ARHGAP39: variants seen among roughly 807,000 people sequenced by gnomAD.
The protein encoded by ARHGAP39 is rho GTPase-activating protein 39.
Under a neutral mutation model 106.9 loss-of-function variants are expected in ARHGAP39, and 44 were observed. The observed-to-expected ratio is 0.41, with a 90% confidence interval of 0.32 to 0.53. The LOEUF (loss-of-function observed/expected upper bound fraction) is 0.53. Among genes scored for constraint, ARHGAP39 ranks in the 20% least tolerant of loss-of-function variants. The pLI is 0.21. For missense variants in ARHGAP39, 1,496 were observed against 1,577.3 expected (o/e 0.95, Z 0.87); for synonymous variants, 768 against 693.2 (o/e 1.11, Z -1.69).
At chr8:144,674,474 G>A (rs1267094033) in intron 1 of ARHGAP39, among the ~76,000 whole-genome samples, 2 of 152,198 alleles carry the variant, frequency 1.3e-5, no homozygotes, top group East Asian at 3.8e-4. Flanking sequence ...GGCTTCAGAG[G>A]GGAGAAAGTA....
At chr8:144,584,231 G>T (rs1362007880) in intron 2 of ARHGAP39, 1 of 151,876 alleles carries the variant, frequency 6.6e-6, no homozygotes, top group Non-Finnish European at 1.5e-5. Context: ...TTGAGCTCAG[G>T]AGTTTGAGAC....
At chr8:144,696,030 G>A in the ARHGAP39 span, among the ~76,000 whole-genome samples, 55 of 152,258 alleles carry the variant, frequency 3.6e-4, 1 homozygote, top group East Asian at 9.1e-3. Context: ...GAAAGAGGGA[G>A]AGTCTAAAAA....
intron 6 of ARHGAP39, among the ~76,000 whole-genome samples, chr8:144,540,744 G>A (rs568309795): frequency 2.0e-5 from 3 of 152,176 alleles, no homozygotes; most frequent in African/African-American, 4.8e-5. Flanking sequence ...AGGCTACAGT[G>A]AGCAGTGACG....
At chr8:144,674,626 C>T (rs373518984) in intron 1 of ARHGAP39, among the ~76,000 whole-genome samples, 2 of 152,184 alleles carry the variant, frequency 1.3e-5, no homozygotes, top group East Asian at 1.9e-4. Context: ...CAGGGACCTG[C>T]CCCTTTTCAC....
intron 1 of ARHGAP39, among the ~76,000 whole-genome samples, chr8:144,661,057 C>A (rs2129684220): frequency 1.3e-5 from 2 of 152,294 alleles, no homozygotes; most frequent in Admixed American, 1.3e-4. Context: ...AGGAGGATCA[C>A]CTGTGCCCAG....
the ARHGAP39 span, among the ~76,000 whole-genome samples, chr8:144,690,863 G>C: frequency 2.1e-5 from 3 of 139,866 alleles, no homozygotes; most frequent in African/African-American, 8.1e-5. Flanking sequence ...TCGTCATGTT[G>C]CCTAAGCTGG....
At chr8:144,657,319 G>C (rs541434202) in intron 1 of ARHGAP39, among the ~76,000 whole-genome samples, 5 of 152,134 alleles carry the variant, frequency 3.3e-5, no homozygotes, top group African/African-American at 1.2e-4. Flanking sequence ...AATTAGCTGG[G>C]CATGGTGGTA....
In ARHGAP39 at chr8:144,670,214, T is replaced by C. The variant is rs1822068280; in HGVS notation, c.-82+15472A>G. ...AAAGCAACAGAGCTCGGACGCATGC[T>C]AGAGCGTACCGGGAAGCTGGATGAG... On this transcript the variant is annotated intron_variant, in intron 1 of 11. Coordinates refer to ENST00000377307, the MANE Select transcript of ARHGAP39 (RefSeq NM_025251.3). This position sits in a 1 kb window ranked among gnomAD's most constrained non-coding sequence, Gnocchi z 4.4. Among the ~76,000 whole-genome samples the C allele has an allele frequency of 6.6e-6, 1 of 152,084 alleles. No individual in the cohort carries two copies. The highest frequency in any genetic ancestry group is 1.5e-5 in the Non-Finnish European group (1 of 68,010).
At position 144,684,349 on chromosome 8, in the gene ARHGAP39, C is replaced by A. The variant is rs1178598045; in HGVS notation, c.-82+1337G>T. Among the ~76,000 whole-genome samples, 1 of 152,258 alleles carries A rather than the reference C, an allele frequency of 6.6e-6. No homozygotes were observed. On this transcript the variant is annotated intron_variant, in intron 1 of 11. Transcript: ENST00000377307. This position sits in a 1 kb window ranked among gnomAD's most constrained non-coding sequence, Gnocchi z 4.4. The stretch of plus-strand genomic sequence containing the variant: ...CTTGCTCCTTGTGGATCGGGCGCCG[C>A]CGACGGAACCACCTGCTGTCTATAG...
upstream of ARHGAP39, among the ~76,000 whole-genome samples, chr8:144,689,498 G>A (rs1395864662): frequency 1.0e-4 from 13 of 129,810 alleles, no homozygotes; most frequent in Non-Finnish European, 1.5e-4. Flanking sequence ...GTGAAGTGGC[G>A]TGATCTTGGC....
chr8:144,614,017 C>T lies in ARHGAP39; in HGVS notation c.-81-8322G>A, dbSNP rs142524556. ...CATCTTTAAGTTCACTAATCTTCAT[C>T]TGCAATCTCTGATCTACCATTAATC... On this transcript the variant is annotated intron_variant, in intron 1 of 11. Coordinates refer to ENST00000377307, the MANE Select transcript of ARHGAP39 (RefSeq NM_025251.3). Among the ~76,000 whole-genome samples the T allele has an allele frequency of 1.7e-4, 26 of 152,340 alleles. No homozygotes were observed. The East Asian group carries it at 5.0e-3, about 29-fold the overall frequency.
chr8:144,609,120 T>A (rs976139903), intron 1 of ARHGAP39, among the ~76,000 whole-genome samples: 3 of 152,256 alleles, frequency 2.0e-5, no homozygotes, highest in African/African-American at 7.2e-5. Context: ...ATATGTGCCT[T>A]CCTCCTAATC....
intron 1 of ARHGAP39, among the ~76,000 whole-genome samples, chr8:144,638,276 A>G (rs1357930212): frequency 6.6e-6 from 1 of 152,140 alleles, no homozygotes; most frequent in Non-Finnish European, 1.5e-5. Flanking sequence ...ATTGCTTTTA[A>G]AATCTTCTCT....
intron 2 of ARHGAP39, among the ~76,000 whole-genome samples, chr8:144,600,772 T>G (rs948219796): frequency 6.6e-6 from 1 of 151,424 alleles, no homozygotes; most frequent in Non-Finnish European, 1.5e-5. Flanking sequence ...TACCTGCGTG[T>G]GCATGGAGGC....
chr8:144,535,297 G>A (rs900462418), intron 7 of ARHGAP39, among the ~76,000 whole-genome samples: 4 of 152,216 alleles, frequency 2.6e-5, no homozygotes, highest in African/African-American at 9.6e-5. Flanking sequence ...CTGCTAAGGA[G>A]ACTCTTTTTT....
rs575715329 is a variant in ARHGAP39, at chr8:144,671,428, G to A, written c.-82+14258C>T. On this transcript the variant is annotated intron_variant, in intron 1 of 11. Coordinates refer to ENST00000377307, the MANE Select transcript of ARHGAP39 (RefSeq NM_025251.3). This position sits in a 1 kb window ranked among gnomAD's most constrained non-coding sequence, Gnocchi z 4.5. ...CTAACTGCATGCTGACTCGGAAGGT[G>A]GGGCTCAAGCTGAGAAGTGCTCCCC... is the stretch of plus-strand genomic sequence containing the variant. Among the ~76,000 whole-genome samples the A allele has an allele frequency of 1.3e-5, 2 of 152,348 alleles. No individual in the cohort carries two copies. The highest frequency in any genetic ancestry group is 4.1e-4 in the South Asian group (2 of 4,828).
At chr8:144,651,269 C>T (rs1218046220) in intron 1 of ARHGAP39, among the ~76,000 whole-genome samples, 1 of 152,050 alleles carries the variant, frequency 6.6e-6, no homozygotes, top group East Asian at 1.9e-4. Flanking sequence ...CACAAACAAA[C>T]AGAAAAACAT....
chr8:144,598,269 C>T (rs900940759), intron 2 of ARHGAP39, among the ~76,000 whole-genome samples: 3 of 151,010 alleles, frequency 2.0e-5, no homozygotes, highest in East Asian at 2.0e-4. Context: ...TTCCACGTTG[C>T]GTGTAAAGGG....
intron 1 of ARHGAP39, among the ~76,000 whole-genome samples, chr8:144,619,388 GTGTGCCCA>G (rs1375739584): frequency 6.6e-6 from 1 of 151,690 alleles, no homozygotes; most frequent in African/African-American, 2.4e-5. Flanking sequence ...GAGGGAGAGT[GTGTGCCCA>G]TGTGCGTGTG....
Sources: allele counts gnomAD v4.1 joint callset (sites outside exome capture counted in the v4.1 genomes callset), GRCh38; gene constraint gnomAD v4.1.1; non-coding constraint Gnocchi (gnomAD v3.1); transcripts MANE v1.5; gene names NCBI Gene and HGNC (gene_info 2026-07-23, HGNC 2026-07-21).